Variants in EYS observed in about 807,000 individuals in gnomAD.
The protein encoded by EYS is EGF-like photoreceptor maintenance factor, also known as protein eyes shut homolog.
A neutral mutation model predicts 282.1 loss-of-function variants in EYS; 250 were observed. The observed-to-expected ratio is 0.89, with a 90% CI of 0.80 to 0.98. The LOEUF (loss-of-function observed/expected upper bound fraction) is 0.98, where lower values mean the gene tolerates loss of function less well. Among genes scored for constraint, EYS ranks in the 50% least tolerant of loss-of-function variants. The probability of loss-of-function intolerance (pLI) is 0.00; values close to 1 mark genes in which losing one functional copy is unlikely to be tolerated. For synonymous variants in EYS, 1,355 were observed against 1,282.9 expected, an observed-to-expected ratio of 1.06 and a Z score of -1.20; for missense variants, 4,016 against 3,709.0, an observed-to-expected ratio of 1.08 and a Z score of -2.15.
intron 22 of EYS, among the ~76,000 whole-genome samples, chr6:64,647,364 A>G (rs1040646386): frequency 4.6e-5 from 7 of 152,196 alleles, no homozygotes; most frequent in African/African-American, 1.7e-4. Flanking sequence ...ATTGAGAGAG[A>G]CAGAGCTAGC....
At position 65,295,762 on chromosome 6, in the gene EYS, A is replaced by C. The variant is rs1031109247; in HGVS notation, c.2023+101T>G. On this transcript the variant is annotated intron_variant, in intron 12 of 42. Transcript: ENST00000503581. The stretch of plus-strand genomic sequence containing the variant: ...AATAAGAAATGAGACAACAATACCA[A>C]TCAATAGACACATTTGAGATATATT... The C allele has an allele frequency of 9.7e-6, 10 of 1,028,172 alleles. No homozygotes were observed. In the African/African-American group the frequency reaches 1.5e-4, roughly 15 times the overall value. The allele number at this position is 1,028,172 out of a possible 1,614,324, so 63.7% of individuals were successfully genotyped here. A position where few individuals can be genotyped will look rare whatever the true frequency, so the allele number is the denominator to read the frequency against.
intron 36 of EYS, among the ~76,000 whole-genome samples, chr6:63,811,136 C>G (rs1771035763): frequency 6.6e-6 from 1 of 152,126 alleles, no homozygotes. Context: ...ATGTCCCCAT[C>G]ATAAATAAAG....
intron 2 of EYS, among the ~76,000 whole-genome samples, chr6:65,529,663 C>A (rs1438250613): frequency 1.3e-5 from 2 of 152,132 alleles, no homozygotes; most frequent in African/African-American, 4.8e-5. Flanking sequence ...TGTGTCCACC[C>A]CAAATTAACA....
chr6:65,230,414 T>C (rs867296224), intron 12 of EYS, among the ~76,000 whole-genome samples: 1 of 151,920 alleles, frequency 6.6e-6, no homozygotes, highest in Non-Finnish European at 1.5e-5. Flanking sequence ...CCATGTATAA[T>C]ACAATTATTC....
intron 8 of EYS, among the ~76,000 whole-genome samples, chr6:65,376,844 C>T (rs1765386463): frequency 6.6e-6 from 1 of 151,960 alleles, no homozygotes; most frequent in Non-Finnish European, 1.5e-5. Flanking sequence ...ATATATGCAC[C>T]CAATACAAAA....
intron 2 of EYS, among the ~76,000 whole-genome samples, chr6:65,526,269 A>G (rs1355289443): frequency 2.6e-5 from 4 of 152,224 alleles, no homozygotes; most frequent in African/African-American, 4.8e-5. Flanking sequence ...TAAGTTTTCA[A>G]TACATGATAT....
chr6:64,374,793 C>T (rs1170249383), intron 29 of EYS, among the ~76,000 whole-genome samples: 1 of 152,128 alleles, frequency 6.6e-6, no homozygotes, highest in Non-Finnish European at 1.5e-5. Flanking sequence ...GTAAAGTAGT[C>T]CCAGCTAAGC....
At chr6:65,330,964 A>G (rs1247099173) in intron 11 of EYS, 24 of 984,256 alleles carry the variant, frequency 2.4e-5, no homozygotes, top group Non-Finnish European at 2.8e-5. Flanking sequence ...CAAATTTCTC[A>G]TATATTGAGT....
intron 29 of EYS, among the ~76,000 whole-genome samples, chr6:64,363,556 A>AT (rs1772088918): frequency 7.0e-6 from 1 of 143,856 alleles, no homozygotes; most frequent in Non-Finnish European, 1.5e-5. Flanking sequence ...ATAGTAACAG[A>AT]TTCTGCCGCT....
intron 22 of EYS, among the ~76,000 whole-genome samples, chr6:64,678,656 ATTTG>A (rs1175971948): frequency 6.6e-6 from 1 of 152,138 alleles, no homozygotes; most frequent in African/African-American, 2.4e-5. Context: ...AGTTGTGTTT[ATTTG>A]TTTAGTTTGT....
intron 12 of EYS, among the ~76,000 whole-genome samples, chr6:65,097,118 A>T (rs895053654): frequency 1.3e-5 from 2 of 151,176 alleles, no homozygotes; most frequent in African/African-American, 4.8e-5. Flanking sequence ...TAATATACAA[A>T]ATATATAAGG....
At chr6:65,226,127 T>C (rs1019195945) in intron 12 of EYS, among the ~76,000 whole-genome samples, 20 of 152,060 alleles carry the variant, frequency 1.3e-4, no homozygotes, top group African/African-American at 4.3e-4. Flanking sequence ...TTCTTAAGAA[T>C]AGTAAAAAAA....
At chr6:64,117,369 G>A (rs1773423710) in intron 31 of EYS, among the ~76,000 whole-genome samples, 1 of 146,746 alleles carries the variant, frequency 6.8e-6, no homozygotes, top group Non-Finnish European at 1.5e-5. Context: ...AAAGACCAGA[G>A]CAGAAATGAA....
chr6:64,701,626 T>A (rs1770794138), intron 22 of EYS, among the ~76,000 whole-genome samples: 1 of 152,072 alleles, frequency 6.6e-6, no homozygotes, highest in Non-Finnish European at 1.5e-5. Context: ...GGTTCTCACT[T>A]AAATTGTGAA....
intron 14 of EYS, among the ~76,000 whole-genome samples, chr6:64,964,839 C>A (rs9360102): frequency 0.067 from 10,220 of 151,950 alleles, 436 homozygotes; most frequent in East Asian, 0.13. Context: ...CAAGACCAGC[C>A]CGGTCAACAT....
At chr6:65,424,511 C>T (rs1225397487) in intron 5 of EYS, among the ~76,000 whole-genome samples, 3 of 151,860 alleles carry the variant, frequency 2.0e-5, no homozygotes, top group African/African-American at 7.3e-5. Flanking sequence ...TGCATTCATC[C>T]TCTTGTGCTT....
At chr6:65,392,886 G>A (rs368806113) in intron 7 of EYS, among the ~76,000 whole-genome samples, 102 of 152,014 alleles carry the variant, frequency 6.7e-4, no homozygotes, top group Admixed American at 2.8e-3. Context: ...TGTTTATTGC[G>A]GCATTATTCA....
intron 5 of EYS, among the ~76,000 whole-genome samples, chr6:65,423,058 C>T (rs1466145770): frequency 6.6e-6 from 1 of 151,738 alleles, no homozygotes; most frequent in Non-Finnish European, 1.5e-5. Flanking sequence ...ATCACACAAA[C>T]ATCCTATAAA....
At chr6:65,347,699 G>A (rs913230177) in intron 9 of EYS, among the ~76,000 whole-genome samples, 3 of 151,268 alleles carry the variant, frequency 2.0e-5, no homozygotes, top group Admixed American at 6.6e-5. Flanking sequence ...CCATCACTTC[G>A]AGCATTTATC....
Sources: gnomAD v4.1 joint callset for allele counts (sites outside exome capture counted in the v4.1 genomes callset) on GRCh38, gnomAD v4.1.1 for gene constraint, MANE v1.5 for transcripts, NCBI Gene and HGNC (gene_info 2026-07-23, HGNC 2026-07-21) for gene names.